ERBB3: variants seen among roughly 807,000 people sequenced by gnomAD.
ERBB3 encodes receptor tyrosine-protein kinase erbB-3.
Under a neutral mutation model 156.7 loss-of-function variants are expected in ERBB3, and 96 were observed. The observed-to-expected ratio is 0.61, with a 90% CI of 0.52 to 0.73. The LOEUF is 0.73. Among genes scored for constraint, ERBB3 ranks in the 30% least tolerant of loss-of-function variants. The probability of loss-of-function intolerance (pLI) is 0.00; values close to 1 mark genes in which losing one functional copy is unlikely to be tolerated. For synonymous variants in ERBB3, 567 were observed against 632.0 expected, an observed-to-expected ratio of 0.90 and a Z score of 1.54; for missense variants, 1,406 against 1,709.4, an observed-to-expected ratio of 0.82 and a Z score of 3.13.
At chr12:56,086,076 A>C (rs1157809736) in intron 3 of ERBB3, among the ~76,000 whole-genome samples, 1 of 151,760 alleles carries the variant, frequency 6.6e-6, no homozygotes, top group Non-Finnish European at 1.5e-5. Flanking sequence ...AAAAAAAAAA[A>C]AAAAAAAAAA....
chr12:56,084,094 G>C (rs1352551424), intron 2 of ERBB3, among the ~76,000 whole-genome samples, 192 bp downstream of exon 2: 1 of 152,154 alleles, frequency 6.6e-6, no homozygotes, highest in African/African-American at 2.4e-5. Flanking sequence ...TTGTAGCCAG[G>C]GATATATAGG....
intron 21 of ERBB3, 180 bp from the exon 22 acceptor site, chr12:56,098,317 CAGG>C (rs1868960786): frequency 3.3e-6 from 2 of 611,368 alleles, no homozygotes; most frequent in Non-Finnish European, 5.8e-6. Context: ...GAGGCTGAGG[CAGG>C]AGAATGGCGT....
chr12:56,095,915 G>A, intron 17 of ERBB3, 109 bp downstream of exon 17: 1 of 1,154,594 alleles, frequency 8.7e-7, no homozygotes, highest in Non-Finnish European at 1.3e-6. Flanking sequence ...GGTCAGTGAT[G>A]GGATAAATGT....
intron 19 of ERBB3, 38 bp from the exon 20 acceptor site, chr12:56,097,007 C>T (rs375640443): frequency 1.2e-6 from 2 of 1,604,026 alleles, no homozygotes; most frequent in Non-Finnish European, 1.7e-6. Flanking sequence ...GTATGTGAAC[C>T]TGTTGGTTTC....
rs531304096 is a variant in ERBB3, at chr12:56,102,794, C to A, written c.*739C>A. ...GACCAGCTTAGCCAACATAGTAAGA[C>A]CCCCATCTCTTTAAAAAAAAAAAAA... On this transcript the variant is annotated 3_prime_UTR_variant, in exon 28 of 28. Transcript: ENST00000267101. The A allele has an allele frequency of 6.3e-5, 12 of 190,488 alleles. No homozygotes were observed. In the South Asian group the frequency reaches 2.4e-3, roughly 38 times the overall value. The allele number at this position is 190,488 out of a possible 1,614,324, so 11.8% of individuals were successfully genotyped here.
Position 56,092,811 on chromosome 12 carries a change from G to T in ERBB3, c.1174G>T (p.Glu392Ter). 1 of 1,613,984 alleles carries T rather than the reference G, an allele frequency of 6.2e-7. No homozygotes were observed. The highest frequency in any genetic ancestry group is 8.5e-7 in the Non-Finnish European group (1 of 1,179,846). ...EKLNVFRTVREITGYLNIQSW... is the reference protein window; with the variant it reads ...EKLNVFRTVR ...GCTCAATGTCTTCCGGACAGTACGG[G>T]AGATCACAGGTGAGTGGCAGAGAGT... Residue 392 changes from glutamate (E) to a stop codon, truncating the protein, a stop_gained, in exon 10 of 28, where the codon GAG becomes TAG. Transcript: ENST00000267101. LOFTEE classifies it high-confidence loss of function.
In ERBB3 at chr12:56,098,248, CA is replaced by C. The variant is rs56112932; in HGVS notation, c.2617-238del. Reference sequence around the variant, plus strand: ...TGAAACCCCGTCTCTACTAAATATACAAAAAAAAAAAAAATTAGCCAGGCGT... The same window carrying C: ...TGAAACCCCGTCTCTACTAAATATACAAAAAAAAAAAAATTAGCCAGGCGT... On this transcript the variant is annotated intron_variant, in intron 21 of 27. Coordinates refer to ENST00000267101, the MANE Select transcript of ERBB3 (RefSeq NM_001982.4). 190,396 of 465,492 alleles carry C rather than the reference CA, an allele frequency of 0.41. 17,035 individuals are homozygous for C. The highest frequency in any genetic ancestry group is 0.47 in the South Asian group (19,833 of 42,254). The allele number at this position is 465,492 out of a possible 1,614,324, so 28.8% of individuals were successfully genotyped here.
At chr12:56,090,200 A>G (rs1308776462) in intron 9 of ERBB3, among the ~76,000 whole-genome samples, 1 of 151,730 alleles carries the variant, frequency 6.6e-6, no homozygotes, top group Non-Finnish European at 1.5e-5. Flanking sequence ...GGGTTTCACC[A>G]TGTAGGCCAG....
intron 14 of ERBB3, 64 bp downstream of exon 14, chr12:56,094,253 G>A (rs962719887): frequency 2.6e-5 from 38 of 1,453,294 alleles, no homozygotes; most frequent in Non-Finnish European, 3.5e-5. Flanking sequence ...GAGCATCTGG[G>A]GAATGATATG....
intron 3 of ERBB3, 139 bp downstream of exon 3, chr12:56,085,320 T>C (rs1473784941): frequency 6.5e-7 from 1 of 1,549,378 alleles, no homozygotes; most frequent in Non-Finnish European, 8.7e-7. Flanking sequence ...TAAAGGTCCA[T>C]TGCTCCCTAA....
In ERBB3 at chr12:56,096,840, G is replaced by GA. The variant is rs1592230531; in HGVS notation, c.2269dup (p.Thr757AsnfsTer70). On this transcript the variant is annotated frameshift_variant, in exon 19 of 28. Transcript: ENST00000267101. LOFTEE classifies it high-confidence loss of function. ...GTGGACGGCAGAGTTTTCAAGCTGTGACAGATGTAAGTGAAGGAAATTCTG... is the reference window on the plus strand; with the variant it reads ...GTGGACGGCAGAGTTTTCAAGCTGTGAACAGATGTAAGTGAAGGAAATTCTG... The GA allele has an allele frequency of 6.2e-7, 1 of 1,611,578 alleles. No homozygotes were observed. The highest frequency in any genetic ancestry group is 8.5e-7 in the Non-Finnish European group (1 of 1,177,764).
rs1232000429 is a variant in ERBB3 at position 56,101,190 on chromosome 12, A to G, written c.3331A>G (p.Lys1111Glu). The change falls in exon 27 of 28, where the codon AAA (lysine) becomes GAA (glutamate). Residue 1111 changes from lysine to glutamate, a missense_variant. Coordinates refer to ENST00000267101, the MANE Select transcript of ERBB3 (RefSeq NM_001982.4). The part of the protein sequence containing the change: ...VTGSEAELQE[K>E]VSMCRSRSRS... ...AGGCTCTGAGGCTGAGCTCCAGGAG[A>G]AAGTGTCAATGTGTAGGAGCCGGAG... 6.2e-7 allele frequency: 1 copy of G among 1,613,920 alleles called. No homozygotes were observed. Among genetic ancestry groups the G allele is most frequent in the Non-Finnish European group, 8.5e-7 (1 of 1,180,010 alleles).
At position 56,089,707 on chromosome 12, in the gene ERBB3, C is replaced by T. The variant is rs140454718; in HGVS notation, c.1109+839C>T. Among the ~76,000 whole-genome samples, 437 of 151,458 alleles carry T rather than the reference C, an allele frequency of 2.9e-3. 6 individuals are homozygous for T. The highest frequency in any genetic ancestry group is 0.01 in the African/African-American group (414 of 41,270). ...TTGCAGTGAACCGAGATTACACCAC[C>T]GCACTCCAGCCTGGCGACAGAGCGA... On this transcript the variant is annotated intron_variant, in intron 9 of 27. Transcript: ENST00000267101.
At chr12:56,080,409 CT>C in intron 1 of ERBB3, 27 bp downstream of exon 1, 2 of 1,551,074 alleles carry the variant, frequency 1.3e-6, no homozygotes, top group South Asian at 2.3e-5. Flanking sequence ...CACCGGCGGG[CT>C]CGGCACCTGG....
Position 56,101,964 on chromosome 12 carries a change from T to C in ERBB3, c.3938T>C (p.Leu1313Pro). Reference sequence around the variant, plus strand: ...GTCCATTATGCCCGCCTAAAAACTCTACGTAGCTTAGAGGCTACAGACTCT... The same window carrying C: ...GTCCATTATGCCCGCCTAAAAACTCCACGTAGCTTAGAGGCTACAGACTCT... Reference protein sequence around the residue: ...PHVHYARLKTLRSLEATDSAF... With the variant: ...PHVHYARLKTPRSLEATDSAF... The change falls in exon 28 of 28, where the codon CTA becomes CCA. Residue 1313 changes from leucine (L) to proline (P), a missense_variant. Physicochemically the swap from Leu to Pro is moderately conservative, Grantham distance 98 (BLOSUM62 -3). Transcript: ENST00000267101. 6.2e-7 allele frequency: 1 copy of C among 1,613,856 alleles called. No homozygotes were observed.
rs188955993 is a variant in ERBB3, at chr12:56,085,304, G to A, written c.421+123G>A. ...TTCCAAGGTGCCTGTCACCTTGGCC[G>A]CTGTCTAAAGGTCCATTGCTCCCTA... On this transcript the variant is annotated intron_variant, in intron 3 of 27. Transcript: ENST00000267101. 1,169 of 1,580,006 alleles carry A rather than the reference G, an allele frequency of 7.4e-4. 17 individuals are homozygous for A. The Admixed American group carries it at 0.015, about 21-fold the overall frequency.
intron 27 of ERBB3, 45 bp from the exon 28 acceptor site, chr12:56,101,484 C>T (rs1279745916): frequency 6.2e-7 from 1 of 1,607,314 alleles, no homozygotes; most frequent in East Asian, 2.2e-5. Flanking sequence ...TTCCCCTACC[C>T]TCATGAAGTT....
chr12:56,083,572 A>G, intron 1 of ERBB3, 179 bp from the exon 2 acceptor site: 1 of 687,076 alleles, frequency 1.5e-6, no homozygotes, highest in Non-Finnish European at 2.6e-6. Context: ...GAGAAGAGAG[A>G]AAGCTCTCAG....
In ERBB3 at chr12:56,093,538, C is replaced by T. The variant is rs775042280; in HGVS notation, c.1468C>T (p.Arg490Cys). Residue 490 changes from arginine (R) to cysteine (C), a missense_variant, in exon 12 of 28, where the codon CGC (arginine) becomes TGC (cysteine). Physicochemically the swap from Arg to Cys is radical, Grantham distance 180. Transcript: ENST00000267101. The part of the protein sequence containing the change: ...ERLDIKHNRP[R>C]RDCVAEGKVC... ...ACTAGACATCAAGCATAATCGGCCG[C>T]GCAGAGACTGCGGTGAGGGAAAGGG... 1.8e-5 allele frequency: 29 copies of T among 1,611,648 alleles called. No homozygotes were observed. The Admixed American group carries it at 3.3e-4, about 19-fold the overall frequency.
Sources: allele counts gnomAD v4.1 joint callset (sites outside exome capture counted in the v4.1 genomes callset), GRCh38; gene constraint gnomAD v4.1.1; transcripts MANE v1.5; gene names NCBI Gene and HGNC (gene_info 2026-07-23, HGNC 2026-07-21).